Variants in MEGF11 observed in about 807,000 individuals in gnomAD.
MEGF11 encodes the protein multiple EGF like domains 11, also known as multiple epidermal growth factor-like domains protein 11.
In MEGF11, 126 loss-of-function variants were observed where a neutral mutation model predicts 146.6. That is an observed-to-expected ratio of 0.86 (90% CI 0.74 to 1.00). The LOEUF is 1.00. MEGF11 is among the 50% of genes least tolerant of loss of function. The pLI is 0.00. For missense variants in MEGF11, 1,509 were observed against 1,521.2 expected (o/e 0.99, Z 0.13); for synonymous variants, 532 against 583.4 (o/e 0.91, Z 1.27).
chr15:66,103,353 C>T (rs974805539), intron 4 of MEGF11, among the ~76,000 whole-genome samples: 4 of 152,214 alleles, frequency 2.6e-5, no homozygotes, highest in African/African-American at 9.7e-5. Context: ...CTCCCCAGTT[C>T]TAGTGCTTCA....
intron 1 of MEGF11, among the ~76,000 whole-genome samples, chr15:66,141,246 G>C (rs1171676291): frequency 1.7e-5 from 2 of 120,756 alleles, no homozygotes; most frequent in East Asian, 5.4e-4. Context: ...GTGTGTGTGT[G>C]TGTGTGTGTG....
chr15:66,167,643 C>T (rs2090134291), intron 1 of MEGF11, among the ~76,000 whole-genome samples: 1 of 148,210 alleles, frequency 6.7e-6, no homozygotes, highest in Admixed American at 6.8e-5. Flanking sequence ...GAAATTCCGT[C>T]TCAAACAAAC....
intron 1 of MEGF11, among the ~76,000 whole-genome samples, chr15:66,167,592 C>A (rs2090131701): frequency 1.3e-5 from 2 of 152,030 alleles, no homozygotes; most frequent in African/African-American, 4.8e-5. Flanking sequence ...TTGCAGTGAG[C>A]CGAGATTGCG....
chr15:65,998,064 G>A (rs1032816474), intron 5 of MEGF11, among the ~76,000 whole-genome samples: 3 of 152,176 alleles, frequency 2.0e-5, no homozygotes, highest in Non-Finnish European at 2.9e-5. Context: ...GTGGCTCTAG[G>A]TGAGGTAGAG....
chr15:66,140,284 C>T (rs531743246), intron 1 of MEGF11, among the ~76,000 whole-genome samples: 2 of 152,326 alleles, frequency 1.3e-5, no homozygotes, highest in African/African-American at 2.4e-5. Flanking sequence ...GGCACAATTG[C>T]AAAAGCGTTT....
chr15:66,063,256 GC>G (rs2084979076), intron 5 of MEGF11, among the ~76,000 whole-genome samples: 1 of 152,190 alleles, frequency 6.6e-6, no homozygotes. Context: ...GCCCCTGGAG[GC>G]TTTTGAGCAG....
At chr15:65,920,160 C>G (rs2079130742) in intron 15 of MEGF11, among the ~76,000 whole-genome samples, 1 of 152,234 alleles carries the variant, frequency 6.6e-6, no homozygotes, top group Admixed American at 6.5e-5. Context: ...AGCAAACTCT[C>G]TGTTTCCTCA....
At chr15:65,938,750 C>A (rs556591151) in intron 10 of MEGF11, among the ~76,000 whole-genome samples, 1 of 152,242 alleles carries the variant, frequency 6.6e-6, no homozygotes. Context: ...AAACCCTCGA[C>A]GCTGGTCCCA....
chr15:66,185,080 G>T (rs1314276500), intron 1 of MEGF11, among the ~76,000 whole-genome samples: 1 of 152,100 alleles, frequency 6.6e-6, no homozygotes, highest in Admixed American at 6.5e-5. Context: ...ACAGTGCCTG[G>T]CACCCAGGAT....
chr15:66,070,626 T>C (rs1054133501), intron 5 of MEGF11, among the ~76,000 whole-genome samples: 1 of 152,226 alleles, frequency 6.6e-6, no homozygotes, highest in African/African-American at 2.4e-5. Flanking sequence ...AGATAGGTAA[T>C]GCTGGGCTAA....
chr15:66,141,740 T>C (rs958633041), intron 1 of MEGF11, among the ~76,000 whole-genome samples: 2 of 152,126 alleles, frequency 1.3e-5, no homozygotes, highest in Non-Finnish European at 2.9e-5. Context: ...CCTCAGGAGA[T>C]GGGCTGCAGA....
At chr15:66,000,949 G>A (rs2082348227) in intron 5 of MEGF11, among the ~76,000 whole-genome samples, 1 of 152,178 alleles carries the variant, frequency 6.6e-6, no homozygotes, top group Admixed American at 6.5e-5. Flanking sequence ...AAAGGATGGG[G>A]TGGAGCTTGG....
rs2091497060 is a variant in MEGF11, at chr15:66,212,830, C to T, written c.-9+40775G>A. 2.6e-5 allele frequency among the ~76,000 whole-genome samples: 4 copies of T among 152,370 alleles called. No individual in the cohort carries two copies. The South Asian group carries it at 8.3e-4, about 32-fold the overall frequency. On this transcript the variant is annotated intron_variant, in intron 1 of 25. Coordinates refer to ENST00000395614, the MANE Select transcript of MEGF11 (RefSeq NM_001385028.1). ...CATACAGGAGCACCAGCAGTTGGGA[C>T]TCAAGTTGAAGGCTCCAGCAGTTTA...
chr15:66,147,765 C>T (rs1167937603), intron 1 of MEGF11, among the ~76,000 whole-genome samples: 1 of 152,210 alleles, frequency 6.6e-6, no homozygotes, highest in African/African-American at 2.4e-5. Flanking sequence ...CACAACACAC[C>T]TTGTGAGCCA....
At chr15:66,139,029 AT>A (rs1218368065) in intron 1 of MEGF11, among the ~76,000 whole-genome samples, 1 of 152,184 alleles carries the variant, frequency 6.6e-6, no homozygotes, top group Admixed American at 6.5e-5. Context: ...TAAGTTTGCA[AT>A]TTGGCCCAGC....
chr15:65,954,870 G>A (rs2080525303), intron 10 of MEGF11, among the ~76,000 whole-genome samples: 2 of 152,154 alleles, frequency 1.3e-5, no homozygotes. Flanking sequence ...AAAGAAGGGG[G>A]AACAGGGAGG....
At chr15:66,099,373 C>G (rs147944897) in intron 4 of MEGF11, among the ~76,000 whole-genome samples, 1 of 151,916 alleles carries the variant, frequency 6.6e-6, no homozygotes, top group African/African-American at 2.4e-5. Context: ...TTAGTAGAGA[C>G]GGGGTTTCAC....
At chr15:66,111,603 C>T (rs192737687) in intron 4 of MEGF11, among the ~76,000 whole-genome samples, 1 of 152,312 alleles carries the variant, frequency 6.6e-6, no homozygotes, top group South Asian at 2.1e-4. Context: ...GGACTTCATA[C>T]CCACTCAAGG....
At chr15:66,027,643 C>T (rs2083381629) in intron 5 of MEGF11, among the ~76,000 whole-genome samples, 1 of 152,146 alleles carries the variant, frequency 6.6e-6, no homozygotes, top group Admixed American at 6.5e-5. Flanking sequence ...GCTTCAGATC[C>T]TGGGCCCCTC....
Sources: allele counts gnomAD v4.1 joint callset (sites outside exome capture counted in the v4.1 genomes callset), GRCh38; gene constraint gnomAD v4.1.1; transcripts MANE v1.5; gene names NCBI Gene and HGNC (gene_info 2026-07-23, HGNC 2026-07-21).